CDCA7L: variants seen among roughly 807,000 people sequenced by gnomAD.
The protein encoded by CDCA7L is cell division cycle-associated 7-like protein.
In CDCA7L, 44 loss-of-function variants were observed where a neutral mutation model predicts 57.4. The ratio of observed to expected loss-of-function variants is 0.77; its 90% CI spans 0.60 to 0.98. The LOEUF (loss-of-function observed/expected upper bound fraction) is 0.98, where lower values mean the gene tolerates loss of function less well. CDCA7L is among the 50% of genes least tolerant of loss of function. The probability of loss-of-function intolerance (pLI) is 0.00; values close to 1 mark genes in which losing one functional copy is unlikely to be tolerated. For synonymous variants in CDCA7L, 236 were observed against 202.8 expected, an observed-to-expected ratio of 1.16 and a Z score of -1.39; for missense variants, 644 against 580.6, an observed-to-expected ratio of 1.11 and a Z score of -1.12.
In CDCA7L at chr7:21,905,566, G is replaced by A. The variant is rs113584859; in HGVS notation, c.987C>T (p.Thr329=). The A allele has an allele frequency of 8.8e-5, 142 of 1,613,840 alleles. 1 individual carries two copies. Among genetic ancestry groups the A allele is most frequent in the Middle Eastern group, 3.3e-4 (2 of 6,060 alleles). The change falls in exon 7 of 10, where the codon ACC becomes ACT. Residue 329 remains threonine, a synonymous_variant. Coordinates refer to ENST00000406877, the MANE Select transcript of CDCA7L (RefSeq NM_018719.5). ...TGGCAACATTTTCTAAGTCCTCTTCGGTGATATCCTCCACTGGCCGAAAAG... is the reference window on the plus strand; with the variant it reads ...TGGCAACATTTTCTAAGTCCTCTTCAGTGATATCCTCCACTGGCCGAAAAG... The part of the protein sequence containing the change: ...ISSFRPVEDI[T]EEDLENVAIT...
At chr7:21,921,319 T>C (rs1231151313) in intron 1 of CDCA7L, among the ~76,000 whole-genome samples, 1 of 115,662 alleles carries the variant, frequency 8.6e-6, no homozygotes. Flanking sequence ...GAGTTTCAGA[T>C]AGTCACAAGC....
chr7:21,932,495 C>A (rs1437482060), intron 1 of CDCA7L, among the ~76,000 whole-genome samples: 2 of 152,146 alleles, frequency 1.3e-5, no homozygotes, highest in African/African-American at 2.4e-5. Flanking sequence ...AGAAATAACA[C>A]CACACATCTA....
At chr7:21,913,651 AT>A (rs1291830508) in intron 2 of CDCA7L, among the ~76,000 whole-genome samples, 1 of 152,164 alleles carries the variant, frequency 6.6e-6, no homozygotes, top group African/African-American at 2.4e-5. Flanking sequence ...CTGTGTGCAA[AT>A]TTCATCAACT....
intron 2 of CDCA7L, among the ~76,000 whole-genome samples, chr7:21,915,659 A>C (rs976950174): frequency 2.6e-4 from 7 of 27,360 alleles, no homozygotes; most frequent in African/African-American, 7.2e-4. Flanking sequence ...AAAAAAAAAA[A>C]CACACACACA....
At position 21,901,358 on chromosome 7, in the gene CDCA7L, ACACGTGCATT is replaced by A; in HGVS notation, c.*954_*963del. The A allele has an allele frequency of 1.5e-6, 2 of 1,369,946 alleles. No individual in the cohort carries two copies. The highest frequency in any genetic ancestry group is 1.9e-6 in the Non-Finnish European group (2 of 1,050,572). The allele number at this position is 1,369,946 out of a possible 1,614,324, so 84.9% of individuals were successfully genotyped here. On this transcript the variant is annotated 3_prime_UTR_variant, in exon 10 of 10. Transcript: ENST00000406877. ...CATTATTCTAACTTTTTAGTAACTCACACGTGCATTCTTTTTTCAACGCTATCCTTAGAGT... is the reference window on the plus strand; with the variant it reads ...CATTATTCTAACTTTTTAGTAACTCACTTTTTTCAACGCTATCCTTAGAGT...
chr7:21,925,285 T>C (rs1785788264), intron 1 of CDCA7L, among the ~76,000 whole-genome samples: 1 of 152,136 alleles, frequency 6.6e-6, no homozygotes. Context: ...GCCTACCTAG[T>C]AATGAAAAGA....
intron 2 of CDCA7L, among the ~76,000 whole-genome samples, chr7:21,914,800 G>A (rs978200657): frequency 5.9e-5 from 9 of 152,164 alleles, no homozygotes; most frequent in Non-Finnish European, 2.9e-5. Flanking sequence ...GAGGTCTGTG[G>A]ATTAAATGCA....
chr7:21,906,949 T>C (rs1238697055), intron 4 of CDCA7L, among the ~76,000 whole-genome samples: 1 of 152,168 alleles, frequency 6.6e-6, no homozygotes, highest in Non-Finnish European at 1.5e-5. Flanking sequence ...ACTCGGAGGC[T>C]AATCCAAGGC....
rs1785118584 is a variant in CDCA7L at position 21,905,740 on chromosome 7, C to G, written c.922-109G>C. The G allele has an allele frequency of 9.1e-6, 11 of 1,203,612 alleles. No homozygotes were observed. In the South Asian group the frequency reaches 1.8e-4, roughly 19 times the overall value. 74.6% of individuals were successfully genotyped at this position (1,203,612 alleles called of 1,614,324 possible). On this transcript the variant is annotated intron_variant, in intron 6 of 9. Coordinates refer to ENST00000406877, the MANE Select transcript of CDCA7L (RefSeq NM_018719.5). ...AGCACCATTAATGTTAACCCCGTCC[C>G]TCTTCTATTTCCCTGCAGCCATTTC...
At chr7:21,910,416 A>G (rs73279902) in intron 3 of CDCA7L, among the ~76,000 whole-genome samples, 1,709 of 152,254 alleles carry the variant, frequency 0.011, 29 homozygotes, top group African/African-American at 0.039. Flanking sequence ...GCAGCCTACC[A>G]TGCGGGCTTT....
At chr7:21,902,874 G>A (rs1784977395) in intron 9 of CDCA7L, 104 bp downstream of exon 9, 1 of 1,042,610 alleles carries the variant, frequency 9.6e-7, no homozygotes, top group South Asian at 1.5e-5. Flanking sequence ...GTTTATATAA[G>A]TAAGTAAGTC....
intron 8 of CDCA7L, among the ~76,000 whole-genome samples, chr7:21,903,556 C>T (rs1276688737): frequency 6.7e-6 from 1 of 149,486 alleles, no homozygotes; most frequent in African/African-American, 2.5e-5. Flanking sequence ...TACCCCATGA[C>T]TGCTGCCTAA....
At chr7:21,917,679 G>A (rs1013030425) in intron 1 of CDCA7L, among the ~76,000 whole-genome samples, 1 of 152,170 alleles carries the variant, frequency 6.6e-6, no homozygotes, top group Middle Eastern at 3.2e-3. Context: ...ATATTAGGTT[G>A]AACCATGGGC....
At chr7:21,903,666 C>T (rs1240440593) in intron 8 of CDCA7L, 1 of 165,002 alleles carries the variant, frequency 6.1e-6, no homozygotes, top group African/African-American at 2.4e-5. Flanking sequence ...AGAGGTTATA[C>T]ACCTATTTCA....
intron 1 of CDCA7L, among the ~76,000 whole-genome samples, chr7:21,930,957 G>A (rs1425299797): frequency 6.6e-6 from 1 of 152,096 alleles, no homozygotes; most frequent in Non-Finnish European, 1.5e-5. Flanking sequence ...TATCACCACT[G>A]ATCCAACAGA....
chr7:21,906,501 A>G lies in CDCA7L; in HGVS notation c.754-45T>C. 4 of 1,611,682 alleles carry G rather than the reference A, an allele frequency of 2.5e-6. No homozygotes were observed. In the African/African-American group the frequency reaches 4.0e-5, roughly 16 times the overall value. ...CAGAGACAACTGGGGACTCTCTCGA[A>G]TAAAAGCCGTCTGGTGGCTGATCAC... On this transcript the variant is annotated intron_variant, in intron 5 of 9. Transcript: ENST00000406877.
chr7:21,916,681 C>A (rs1029563379), intron 2 of CDCA7L, 73 bp downstream of exon 2: 6 of 1,403,284 alleles, frequency 4.3e-6, no homozygotes, highest in Middle Eastern at 3.6e-4. Flanking sequence ...ACACCATGTT[C>A]AAATAAAAGA....
rs761564509 is a variant in CDCA7L at position 21,901,639 on chromosome 7, G to A, written c.*683C>T. The stretch of plus-strand genomic sequence containing the variant: ...CAAAAGCAATGCAGCCGGAAAGAAC[G>A]GAGATTTTAATTTTTAACAAACAAC... On this transcript the variant is annotated 3_prime_UTR_variant, in exon 10 of 10. Transcript: ENST00000406877. 21 of 157,810 alleles carry A rather than the reference G, an allele frequency of 1.3e-4. No individual in the cohort carries two copies. The highest frequency in any genetic ancestry group is 7.7e-4 in the Admixed American group (12 of 15,648). 9.8% of individuals were successfully genotyped at this position (157,810 alleles called of 1,614,324 possible).
intron 2 of CDCA7L, 84 bp from the exon 3 acceptor site, chr7:21,911,838 G>A (rs1333732353): frequency 8.4e-6 from 11 of 1,309,868 alleles, no homozygotes; most frequent in Non-Finnish European, 1.2e-5. Flanking sequence ...CTACTGAACG[G>A]GTACAGAGCT....
Sources: allele counts gnomAD v4.1 joint callset (sites outside exome capture counted in the v4.1 genomes callset), GRCh38; gene constraint gnomAD v4.1.1; transcripts MANE v1.5; gene names NCBI Gene and HGNC (gene_info 2026-07-23, HGNC 2026-07-21).